Variants in BRWD3 observed in about 807,000 individuals in gnomAD.
The protein encoded by BRWD3 is bromodomain and WD repeat domain containing 3.
Under a neutral mutation model 149.7 loss-of-function variants are expected in BRWD3, and 10 were observed. That is an observed-to-expected ratio of 0.07 (90% confidence interval 0.04 to 0.11). The LOEUF is 0.11. BRWD3 is among the 10% of genes least tolerant of loss of function. The pLI is 1.00. For missense variants in BRWD3, 940 were observed against 1,373.2 expected (o/e 0.68, Z 4.99); for synonymous variants, 504 against 456.7 (o/e 1.10, Z -1.32).
At chrX:80,738,705 G>A (rs751356794) in intron 8 of BRWD3, among the ~76,000 whole-genome samples, 1 of 111,759 alleles carries the variant, frequency 8.9e-6, no homozygotes, top group Admixed American at 9.5e-5. Context: ...AGGGTGACAT[G>A]TGCACAAAGC....
intron 23 of BRWD3, 32 bp downstream of exon 23, chrX:80,704,646 A>T: frequency 8.4e-7 from 1 of 1,188,719 alleles, no homozygotes; most frequent in East Asian, 3.0e-5. Context: ...ACAAAAAATA[A>T]CAAAAACAAA....
chrX:80,791,829 T>C (rs1198884237), intron 6 of BRWD3, 25 bp downstream of exon 6: 1 of 1,079,646 alleles, frequency 9.3e-7, no homozygotes, highest in Non-Finnish European at 1.3e-6. Context: ...ACAATCTGTT[T>C]ATAACACACA....
intron 4 of BRWD3, among the ~76,000 whole-genome samples, chrX:80,806,829 T>C (rs988108850): frequency 2.7e-5 from 3 of 112,627 alleles, no homozygotes; most frequent in East Asian, 2.8e-4. Flanking sequence ...ATCACAATTA[T>C]GTAAAAATGT....
Position 80,692,014 on chromosome X carries a change from A to G in BRWD3, c.3326-36T>C, listed in dbSNP as rs772612792. The stretch of plus-strand genomic sequence containing the variant: ...GATAAAAAAAAAAAAATTAGAAAAA[A>G]TTATTTTCCAATATCATGTGATTAC... On this transcript the variant is annotated intron_variant, in intron 29 of 40. Coordinates refer to ENST00000373275, the MANE Select transcript of BRWD3 (RefSeq NM_153252.5). 26 of 1,177,368 alleles carry G rather than the reference A, an allele frequency of 2.2e-5. No homozygotes were observed. The East Asian group carries it at 7.3e-4, about 33-fold the overall frequency.
chrX:80,755,633 T>A (rs1369559266), intron 6 of BRWD3, among the ~76,000 whole-genome samples: 2 of 111,923 alleles, frequency 1.8e-5, no homozygotes, highest in Admixed American at 9.5e-5. Flanking sequence ...TCTGGGCATC[T>A]ATCCTGGGGA....
At chrX:80,758,654 TA>T (rs1266937588) in intron 6 of BRWD3, among the ~76,000 whole-genome samples, 1 of 110,271 alleles carries the variant, frequency 9.1e-6, no homozygotes, top group Non-Finnish European at 1.9e-5. Context: ...GGAACGACAT[TA>T]AAAAAAGAAT....
intron 16 of BRWD3, among the ~76,000 whole-genome samples, 155 bp downstream of exon 16, chrX:80,723,593 G>C (rs1041891319): frequency 2.7e-5 from 3 of 109,938 alleles, no homozygotes; most frequent in Non-Finnish European, 5.7e-5. Context: ...TGGCAGTGCA[G>C]ATCACAATTG....
intron 22 of BRWD3, 96 bp from the exon 23 acceptor site, chrX:80,704,942 A>G (rs1210422393): frequency 1.1e-6 from 1 of 890,876 alleles, no homozygotes; most frequent in African/African-American, 2.0e-5. Context: ...CAGCATTATA[A>G]ATGACATGGC....
At chrX:80,773,522 T>G (rs2147831428) in intron 6 of BRWD3, among the ~76,000 whole-genome samples, 1 of 112,055 alleles carries the variant, frequency 8.9e-6, no homozygotes, top group Non-Finnish European at 1.9e-5. Flanking sequence ...ATTTCTGATT[T>G]AAGATTTTAA....
In BRWD3 at chrX:80,721,344, T is replaced by A. The variant is rs1389966124; in HGVS notation, c.1876+1218A>T. Among the ~76,000 whole-genome samples, 4 of 111,672 alleles carry A rather than the reference T, an allele frequency of 3.6e-5. No homozygotes were observed. In the Admixed American group the frequency reaches 3.8e-4, roughly 11 times the overall value. On this transcript the variant is annotated intron_variant, in intron 17 of 40. Coordinates refer to ENST00000373275, the MANE Select transcript of BRWD3 (RefSeq NM_153252.5). ...TCAAGTTTATCTCCCATTTAATTAA[T>A]ATTCACACCTTTTCTCCTTGGCTAA...
At chrX:80,736,333 A>C (rs1051755388) in intron 8 of BRWD3, among the ~76,000 whole-genome samples, 1 of 111,908 alleles carries the variant, frequency 8.9e-6, no homozygotes, top group Non-Finnish European at 1.9e-5. Context: ...GTTATAAAAA[A>C]ATTACTTTTA....
intron 26 of BRWD3, 144 bp from the exon 27 acceptor site, chrX:80,696,134 A>T (rs1787216445): frequency 2.0e-6 from 1 of 497,703 alleles, no homozygotes; most frequent in South Asian, 3.0e-5. Flanking sequence ...TTACTTAAAC[A>T]TCACCTTCTC....
intron 13 of BRWD3, 52 bp downstream of exon 13, chrX:80,729,864 C>A: frequency 1.2e-6 from 1 of 821,608 alleles, no homozygotes; most frequent in South Asian, 2.1e-5. Context: ...CTATTAAACT[C>A]AATGTAAAAT....
intron 6 of BRWD3, among the ~76,000 whole-genome samples, chrX:80,765,942 G>A (rs1374128755): frequency 1.8e-5 from 2 of 111,871 alleles, no homozygotes; most frequent in Non-Finnish European, 3.8e-5. Flanking sequence ...TCCAAATACA[G>A]ATAATTTAAG....
chrX:80,745,291 G>C (rs2073576411), intron 7 of BRWD3, among the ~76,000 whole-genome samples: 1 of 111,492 alleles, frequency 9.0e-6, no homozygotes, highest in Non-Finnish European at 1.9e-5. Flanking sequence ...AAATGAAATT[G>C]AGTACACTTG....
chrX:80,674,191 C>A lies in BRWD3; in HGVS notation c.*2418G>T, dbSNP rs1359560577. Reference sequence around the variant, plus strand: ...ATAAACATTACAGCAAAATGCTGTTCACTAATATTTTCACAGTATTTCACT... The same window carrying A: ...ATAAACATTACAGCAAAATGCTGTTAACTAATATTTTCACAGTATTTCACT... On this transcript the variant is annotated 3_prime_UTR_variant, in exon 41 of 41. Transcript: ENST00000373275. The A allele has an allele frequency of 9.0e-6, 1 of 111,573 alleles. No homozygotes were observed. Among genetic ancestry groups the A allele is most frequent in the Non-Finnish European group, 1.9e-5 (1 of 52,960 alleles). The allele number at this position is 111,573 out of a possible 1,213,427, so 9.2% of individuals were successfully genotyped here.
At chrX:80,728,062 T>A (rs760098886) in intron 14 of BRWD3, among the ~76,000 whole-genome samples, 8 of 111,990 alleles carry the variant, frequency 7.1e-5, no homozygotes, top group African/African-American at 2.3e-4. Context: ...GACAACTGAG[T>A]TGAGTCAGAA....
chrX:80,680,863 C>T (rs766741131), intron 40 of BRWD3, among the ~76,000 whole-genome samples: 1 of 109,918 alleles, frequency 9.1e-6, no homozygotes, highest in African/African-American at 3.3e-5. Flanking sequence ...GGCTGGAGTG[C>T]AGTGGCACAA....
At chrX:80,796,720 G>T (rs1185966973) in intron 4 of BRWD3, among the ~76,000 whole-genome samples, 1 of 112,074 alleles carries the variant, frequency 8.9e-6, no homozygotes, top group Non-Finnish European at 1.9e-5. Flanking sequence ...TTTCAGATTT[G>T]CATCTCCAGG....
Sources: gnomAD v4.1 joint callset for allele counts (sites outside exome capture counted in the v4.1 genomes callset) on GRCh38, gnomAD v4.1.1 for gene constraint, MANE v1.5 for transcripts, NCBI Gene and HGNC (gene_info 2026-07-23, HGNC 2026-07-21) for gene names.